ADAMTSL1: variants seen among roughly 807,000 people sequenced by gnomAD.
The protein encoded by ADAMTSL1 is ADAMTS like 1, also known as ADAMTS-like protein 1.
A neutral mutation model predicts 201.8 loss-of-function variants in ADAMTSL1; 126 were observed. That is an observed-to-expected ratio of 0.62 (90% confidence interval 0.54 to 0.72). The LOEUF is 0.72. Among genes scored for constraint, ADAMTSL1 ranks in the 30% least tolerant of loss-of-function variants. The pLI is 0.00. For missense variants in ADAMTSL1, 2,679 were observed against 2,277.8 expected, an observed-to-expected ratio of 1.18 and a Z score of -3.59; for synonymous variants, 1,121 against 903.4, an observed-to-expected ratio of 1.24 and a Z score of -4.32.
chr9:18,883,612 T>C (rs1331354643), intron 23 of ADAMTSL1, among the ~76,000 whole-genome samples: 1 of 152,194 alleles, frequency 6.6e-6, no homozygotes, highest in East Asian at 1.9e-4. Flanking sequence ...ACTATTCCAC[T>C]TTCTGTTTCT....
intron 1 of ADAMTSL1, among the ~76,000 whole-genome samples, chr9:18,131,354 A>G (rs1825943998): frequency 6.6e-6 from 1 of 152,186 alleles, no homozygotes; most frequent in Non-Finnish European, 1.5e-5. Flanking sequence ...TGTTTTAAAT[A>G]AAGCTGGCAT....
intron 2 of ADAMTSL1, among the ~76,000 whole-genome samples, chr9:18,232,796 G>T (rs1330563792): frequency 6.6e-6 from 1 of 152,156 alleles, no homozygotes; most frequent in Non-Finnish European, 1.5e-5. Context: ...ATATAGAAAA[G>T]TAGCATCCTG....
At chr9:18,767,310 C>T (rs1418842903) in intron 16 of ADAMTSL1, among the ~76,000 whole-genome samples, 1 of 152,114 alleles carries the variant, frequency 6.6e-6, no homozygotes, top group African/African-American at 2.4e-5. Flanking sequence ...ACAGTAAGTT[C>T]ATGGAAGAAT....
intron 19 of ADAMTSL1, among the ~76,000 whole-genome samples, chr9:18,790,079 G>A (rs1563803011): frequency 6.6e-6 from 1 of 152,092 alleles, no homozygotes; most frequent in Non-Finnish European, 1.5e-5. Context: ...AGGTTACTTA[G>A]GTTATGTGTA....
At chr9:18,185,326 A>G (rs1175184184) in intron 2 of ADAMTSL1, among the ~76,000 whole-genome samples, 1 of 152,148 alleles carries the variant, frequency 6.6e-6, no homozygotes, top group East Asian at 1.9e-4. Context: ...TGAGTTTTAC[A>G]GCCACAGGCC....
At chr9:18,723,285 C>A (rs143282360) in intron 15 of ADAMTSL1, 6 of 588,276 alleles carry the variant, frequency 1.0e-5, no homozygotes, top group Non-Finnish European at 1.5e-5. Context: ...CCTGTAATTT[C>A]TGTTCTGCTT....
intron 23 of ADAMTSL1, among the ~76,000 whole-genome samples, chr9:18,837,504 T>C (rs1168442892): frequency 6.6e-6 from 1 of 152,258 alleles, no homozygotes; most frequent in Admixed American, 6.5e-5. Flanking sequence ...TCATAAGGTC[T>C]GGCTTGTGGA....
intron 2 of ADAMTSL1, among the ~76,000 whole-genome samples, chr9:18,318,881 C>G (rs535339634): frequency 1.3e-5 from 2 of 152,060 alleles, no homozygotes; most frequent in African/African-American, 4.8e-5. Flanking sequence ...TTATTTAGTG[C>G]GTGTGTCCAC....
At chr9:18,083,854 C>CT (rs529890752) in intron 1 of ADAMTSL1, among the ~76,000 whole-genome samples, 55 of 152,272 alleles carry the variant, frequency 3.6e-4, no homozygotes, top group African/African-American at 1.2e-3. Flanking sequence ...ATTTACTCCT[C>CT]TTTTTTAGGG....
chr9:18,423,950 C>T (rs1367807491), intron 2 of ADAMTSL1, among the ~76,000 whole-genome samples: 3 of 152,184 alleles, frequency 2.0e-5, no homozygotes, highest in Non-Finnish European at 4.4e-5. Flanking sequence ...AAGTCTTTAT[C>T]CCACAGGCTA....
At chr9:18,476,066 T>G (rs1189970482) in intron 1 of ADAMTSL1, among the ~76,000 whole-genome samples, 1 of 152,090 alleles carries the variant, frequency 6.6e-6, no homozygotes, top group African/African-American at 2.4e-5. Context: ...AAAGATAAAA[T>G]TAAAACAAAC....
intron 4 of ADAMTSL1, among the ~76,000 whole-genome samples, chr9:18,585,085 A>C (rs1366788251): frequency 6.6e-6 from 1 of 152,180 alleles, no homozygotes. Context: ...GGAAAGTGAC[A>C]CTTCATAGAA....
chr9:18,791,228 G>T (rs1282139806), intron 19 of ADAMTSL1, among the ~76,000 whole-genome samples: 2 of 152,208 alleles, frequency 1.3e-5, no homozygotes, highest in African/African-American at 4.8e-5. Context: ...GCCTGGCGGT[G>T]CTTCCCAGAG....
intron 9 of ADAMTSL1, among the ~76,000 whole-genome samples, chr9:18,663,316 A>G (rs1829224013): frequency 6.6e-6 from 1 of 152,166 alleles, no homozygotes; most frequent in Non-Finnish European, 1.5e-5. Flanking sequence ...AAGAATAGAT[A>G]TTTTATAATT....
chr9:18,435,612 G>A (rs984141532), intron 2 of ADAMTSL1, among the ~76,000 whole-genome samples: 1 of 152,162 alleles, frequency 6.6e-6, no homozygotes, highest in Non-Finnish European at 1.5e-5. Context: ...GAAGTGAACT[G>A]GACCTTTGAA....
intron 2 of ADAMTSL1, among the ~76,000 whole-genome samples, chr9:18,451,082 G>A (rs1393988695): frequency 6.6e-6 from 1 of 152,178 alleles, no homozygotes; most frequent in Non-Finnish European, 1.5e-5. Context: ...AAAGAAACAT[G>A]CTGTAAGAAG....
intron 2 of ADAMTSL1, among the ~76,000 whole-genome samples, chr9:18,198,483 A>G (rs1829286115): frequency 6.7e-6 from 1 of 150,056 alleles, no homozygotes; most frequent in Non-Finnish European, 1.5e-5. Flanking sequence ...GGAGACATTT[A>G]TGCAGCCAAA....
chr9:18,057,618 G>A (rs1474642027), intron 1 of ADAMTSL1, among the ~76,000 whole-genome samples: 1 of 152,050 alleles, frequency 6.6e-6, no homozygotes, highest in African/African-American at 2.4e-5. Context: ...TCTGACTGTG[G>A]GCTGACCGTG....
chr9:18,489,620 C>A (rs988990864), intron 1 of ADAMTSL1, among the ~76,000 whole-genome samples: 3 of 152,210 alleles, frequency 2.0e-5, no homozygotes, highest in African/African-American at 7.2e-5. Context: ...CAAAATAAAA[C>A]ATACGCTGAG....
Sources: allele counts gnomAD v4.1 joint callset (sites outside exome capture counted in the v4.1 genomes callset), GRCh38; gene constraint gnomAD v4.1.1; transcripts MANE v1.5; gene names NCBI Gene and HGNC (gene_info 2026-07-23, HGNC 2026-07-21).